Variants in HNRNPR observed in about 807,000 individuals in gnomAD.
HNRNPR encodes the protein heterogeneous nuclear ribonucleoprotein R.
HNRNPR carries 4 observed loss-of-function variants against 70.3 expected under a neutral mutation model. The observed-to-expected ratio is 0.06, with a 90% CI of 0.03 to 0.13. The LOEUF (loss-of-function observed/expected upper bound fraction) is 0.13, where lower values mean the gene tolerates loss of function less well. HNRNPR is among the 10% of genes least tolerant of loss of function. The pLI, the probability that HNRNPR is intolerant of heterozygous loss-of-function variation, is 1.00. For synonymous variants in HNRNPR, 241 were observed against 267.6 expected (o/e 0.90, Z 0.97); for missense variants, 423 against 788.5 (o/e 0.54, Z 5.55).
rs557990593 is a variant in HNRNPR at position 23,342,135 on chromosome 1, C to T, written c.-9-1118G>A. On this transcript the variant is annotated intron_variant, in intron 1 of 10. Transcript: ENST00000302271. ...CTTGATGAAACTCAAGATACCTAGTCATCTATAAAGAAAATACAAGTCTCC... is the reference window on the plus strand; with the variant it reads ...CTTGATGAAACTCAAGATACCTAGTTATCTATAAAGAAAATACAAGTCTCC... Among the ~76,000 whole-genome samples the T allele has an allele frequency of 2.5e-4, 38 of 152,174 alleles. 2 individuals are homozygous for T. Among genetic ancestry groups the T allele is most frequent in the Admixed American group, 2.4e-3 (36 of 15,268 alleles).
Position 23,314,053 on chromosome 1 carries a change from A to G in HNRNPR, c.1018-351T>C, listed in dbSNP as rs16828268. ...AAAACTGAGTAACTTTCAAAAGTTC[A>G]TATGAAAAAATAAATAAGCAAGAAT... On this transcript the variant is annotated intron_variant, in intron 8 of 10. Transcript: ENST00000302271. 1.9e-3 allele frequency among the ~76,000 whole-genome samples: 289 copies of G among 152,336 alleles called. 6 individuals carry two copies. The East Asian group carries it at 0.044, about 23-fold the overall frequency.
intron 9 of HNRNPR, 151 bp from the exon 10 acceptor site, chr1:23,311,473 G>C (rs1569882293): frequency 1.7e-6 from 1 of 590,084 alleles, no homozygotes; most frequent in East Asian, 2.9e-5. Flanking sequence ...TAGCCAGAAA[G>C]TTAAACACAA....
In HNRNPR at chr1:23,318,108, T is replaced by C. The variant is rs576037559; in HGVS notation, c.1017+375A>G. Among the ~76,000 whole-genome samples, 1 of 151,280 alleles carries C rather than the reference T, an allele frequency of 6.6e-6. No homozygotes were observed. Among genetic ancestry groups the C allele is most frequent in the Non-Finnish European group, 1.5e-5 (1 of 67,862 alleles). ...GCCAAGTAATAAAGTCATAATATAG[T>C]CAATGAAGATTATAACTTATAATCT... On this transcript the variant is annotated intron_variant, in intron 8 of 10. Coordinates refer to ENST00000302271, the MANE Select transcript of HNRNPR (RefSeq NM_005826.5). The surrounding 1 kb of genome is among the most constrained non-coding windows in gnomAD (Gnocchi z 4.2).
intron 5 of HNRNPR, among the ~76,000 whole-genome samples, chr1:23,327,294 T>C (rs1333814530): frequency 6.6e-6 from 1 of 152,210 alleles, no homozygotes; most frequent in Non-Finnish European, 1.5e-5. Context: ...CTTGGACTCA[T>C]GTGCCATATA....
chr1:23,337,914 T>C, intron 3 of HNRNPR, 53 bp from the exon 4 acceptor site: 2 of 1,016,380 alleles, frequency 2.0e-6, no homozygotes, highest in Non-Finnish European at 3.0e-6. Flanking sequence ...ATCTGAAGGG[T>C]CAGATACATA....
intron 8 of HNRNPR, among the ~76,000 whole-genome samples, chr1:23,317,318 T>A (rs2749162): frequency 6.6e-6 from 1 of 151,654 alleles, no homozygotes; most frequent in Non-Finnish European, 1.5e-5. Flanking sequence ...ATTAGCCAGC[T>A]GTGGTGGCGG....
At position 23,319,079 on chromosome 1, in the gene HNRNPR, A is replaced by G. The variant is rs564826801; in HGVS notation, c.812-391T>C. Among the ~76,000 whole-genome samples, 10 of 152,328 alleles carry G rather than the reference A, an allele frequency of 6.6e-5. No homozygotes were observed. In the South Asian group the frequency reaches 2.1e-3, roughly 32 times the overall value. ...AATCATGGCCAAAAATCTTCCTTGAAGCTAACTTAAAAGTTACTATTTTTA... is the reference window on the plus strand; with the variant it reads ...AATCATGGCCAAAAATCTTCCTTGAGGCTAACTTAAAAGTTACTATTTTTA... On this transcript the variant is annotated intron_variant, in intron 7 of 10. Transcript: ENST00000302271.
chr1:23,314,625 CATT>C (rs1645460641), intron 8 of HNRNPR, among the ~76,000 whole-genome samples: 1 of 152,102 alleles, frequency 6.6e-6, no homozygotes, highest in South Asian at 2.1e-4. Flanking sequence ...AGAAGCAAAT[CATT>C]AATCATTAAT....
rs1645245171 is a variant in HNRNPR at position 23,308,817 on chromosome 1, T to C, written c.*1637A>G. 1 of 152,068 alleles carries C rather than the reference T, an allele frequency of 6.6e-6. No individual in the cohort carries two copies. The highest frequency in any genetic ancestry group is 2.1e-4 in the South Asian group (1 of 4,834). 9.4% of individuals were successfully genotyped at this position (152,068 alleles called of 1,614,324 possible). On this transcript the variant is annotated 3_prime_UTR_variant, in exon 11 of 11. Transcript: ENST00000302271. ...CACGGAATTAAGTGGCTTATGATTT[T>C]GAAATCTAATATTCCTATCACAAAG...
At chr1:23,338,887 AAAGGT>A (rs1371733633) in intron 2 of HNRNPR, among the ~76,000 whole-genome samples, 3 of 152,172 alleles carry the variant, frequency 2.0e-5, no homozygotes, top group African/African-American at 7.2e-5. Flanking sequence ...CCACTCCCCC[AAAGGT>A]ATAAGTCTTG....
At chr1:23,314,737 G>C (rs1557832477) in intron 8 of HNRNPR, among the ~76,000 whole-genome samples, 1 of 152,128 alleles carries the variant, frequency 6.6e-6, no homozygotes, top group East Asian at 1.9e-4. Context: ...TATTTTGCTG[G>C]TAGGAATGTA....
At chr1:23,314,852 T>C (rs1299482329) in intron 8 of HNRNPR, among the ~76,000 whole-genome samples, 2 of 152,208 alleles carry the variant, frequency 1.3e-5, no homozygotes, top group African/African-American at 4.8e-5. Context: ...ATCCTACAGA[T>C]ATATCTCCAC....
chr1:23,320,295 G>T (rs1172821139), intron 7 of HNRNPR, among the ~76,000 whole-genome samples: 1 of 152,194 alleles, frequency 6.6e-6, no homozygotes, highest in Non-Finnish European at 1.5e-5. Context: ...CAATATAGCG[G>T]GTGGTAGCAG....
chr1:23,331,403 A>AT (rs1646215996), intron 5 of HNRNPR, among the ~76,000 whole-genome samples: 1 of 110,230 alleles, frequency 9.1e-6, no homozygotes, highest in Non-Finnish European at 1.9e-5. Flanking sequence ...TCCACAAAAA[A>AT]TTAAAAAAAA....
At chr1:23,333,432 T>C (rs1291474246) in intron 5 of HNRNPR, 86 bp downstream of exon 5, 30 of 731,282 alleles carry the variant, frequency 4.1e-5, no homozygotes, top group Non-Finnish European at 3.3e-5. Flanking sequence ...GATCAAGAAT[T>C]TTCCCCCGTC....
intron 8 of HNRNPR, among the ~76,000 whole-genome samples, 199 bp from the exon 9 acceptor site, chr1:23,313,901 TCTC>T (rs1280687170): frequency 1.3e-5 from 2 of 152,134 alleles, no homozygotes; most frequent in African/African-American, 4.8e-5. Context: ...GTTCCTGCCT[TCTC>T]CTATGTTGTC....
At chr1:23,321,794 T>C in intron 6 of HNRNPR, 131 bp from the exon 7 acceptor site, 1 of 787,134 alleles carries the variant, frequency 1.3e-6, no homozygotes, top group South Asian at 2.7e-5. Flanking sequence ...CCCTCATGCT[T>C]TCCATAATAT....
At chr1:23,313,972 C>A (rs1158927628) in intron 8 of HNRNPR, among the ~76,000 whole-genome samples, 1 of 152,070 alleles carries the variant, frequency 6.6e-6, no homozygotes, top group Non-Finnish European at 1.5e-5. Context: ...ATTATTATTA[C>A]CAAGTTAATC....
intron 5 of HNRNPR, among the ~76,000 whole-genome samples, chr1:23,324,013 T>C (rs1645861094): frequency 6.6e-6 from 1 of 152,050 alleles, no homozygotes; most frequent in South Asian, 2.1e-4. Flanking sequence ...CTTTTTCTCA[T>C]AAAAACAGAA....
Sources: allele counts gnomAD v4.1 joint callset (sites outside exome capture counted in the v4.1 genomes callset), GRCh38; gene constraint gnomAD v4.1.1; non-coding constraint Gnocchi (gnomAD v3.1); transcripts MANE v1.5; gene names NCBI Gene and HGNC (gene_info 2026-07-23, HGNC 2026-07-21).